The following PTPRD variants were observed in gnomAD, a reference collection of about 807,000 sequenced individuals.
PTPRD encodes receptor-type tyrosine-protein phosphatase delta.
A neutral mutation model predicts 214.5 loss-of-function variants in PTPRD; 34 were observed. The ratio of observed to expected loss-of-function variants is 0.16; its 90% CI spans 0.12 to 0.21. The LOEUF (loss-of-function observed/expected upper bound fraction) is 0.21, where lower values mean the gene tolerates loss of function less well. Among genes scored for constraint, PTPRD ranks in the 10% least tolerant of loss-of-function variants. The probability of loss-of-function intolerance (pLI) is 1.00; values close to 1 mark genes in which losing one functional copy is unlikely to be tolerated. For synonymous variants in PTPRD, 1,128 were observed against 845.7 expected (o/e 1.33, Z -5.79); for missense variants, 2,545 against 2,398.7 (o/e 1.06, Z -1.27).
intron 3 of PTPRD, among the ~76,000 whole-genome samples, chr9:10,140,134 A>G (rs74956109): frequency 0.023 from 3,501 of 152,146 alleles, 80 homozygotes; most frequent in African/African-American, 0.058. Context: ...TGTGAAGACA[A>G]ACCATCTGCA....
chr9:10,048,543 C>T (rs1002471781), intron 3 of PTPRD, among the ~76,000 whole-genome samples: 2 of 151,846 alleles, frequency 1.3e-5, no homozygotes. Context: ...ATCTTTAATC[C>T]CTACTCTTCC....
At chr9:10,587,935 A>G (rs1229975439) in intron 2 of PTPRD, among the ~76,000 whole-genome samples, 1 of 152,072 alleles carries the variant, frequency 6.6e-6, no homozygotes, top group Non-Finnish European at 1.5e-5. Context: ...CTTTCTGACA[A>G]TAAGTTCATA....
chr9:9,044,139 A>AACATG (rs1371794144), intron 10 of PTPRD, among the ~76,000 whole-genome samples: 2 of 152,168 alleles, frequency 1.3e-5, no homozygotes, highest in Non-Finnish European at 2.9e-5. Context: ...TTTATATGAC[A>AACATG]ACATGAACTT....
chr9:10,027,326 A>G (rs1250502683), intron 4 of PTPRD, among the ~76,000 whole-genome samples: 1 of 152,214 alleles, frequency 6.6e-6, no homozygotes, highest in African/African-American at 2.4e-5. Flanking sequence ...CACAGGCAAT[A>G]AAGCTGGGGG....
chr9:8,626,294 C>G (rs557751944), intron 14 of PTPRD, among the ~76,000 whole-genome samples: 6 of 151,732 alleles, frequency 4.0e-5, no homozygotes, highest in Non-Finnish European at 7.4e-5. Flanking sequence ...TTAGTAAACT[C>G]CTTTGTAATT....
chr9:10,316,505 A>G (rs2154423596), intron 3 of PTPRD, among the ~76,000 whole-genome samples: 1 of 152,054 alleles, frequency 6.6e-6, no homozygotes, highest in East Asian at 1.9e-4. Context: ...AACAGAAAAC[A>G]AAAAGAAAAG....
chr9:10,082,451 C>T (rs914595090), intron 3 of PTPRD, among the ~76,000 whole-genome samples: 4 of 151,944 alleles, frequency 2.6e-5, no homozygotes, highest in Non-Finnish European at 4.4e-5. Context: ...TGTGGATGTA[C>T]TGATTTATGT....
intron 9 of PTPRD, among the ~76,000 whole-genome samples, chr9:9,361,381 T>A (rs1228075095): frequency 6.6e-6 from 1 of 151,120 alleles, no homozygotes; most frequent in African/African-American, 2.4e-5. Flanking sequence ...TGCTTTGAAT[T>A]TATTTCTAGA....
chr9:8,437,095 A>G (rs1266873528), intron 34 of PTPRD: 5 of 798,322 alleles, frequency 6.3e-6, no homozygotes, highest in Admixed American at 2.8e-5. Context: ...TAAATGGTGT[A>G]AAGTGAAATA....
chr9:8,528,231 A>G (rs971428597), intron 15 of PTPRD: 1 of 428,674 alleles, frequency 2.3e-6, no homozygotes, highest in Non-Finnish European at 4.1e-6. Context: ...ATGAAGTCCA[A>G]TGTTGAAATA....
At chr9:9,565,084 A>G (rs1591708670) in intron 8 of PTPRD, among the ~76,000 whole-genome samples, 1 of 151,438 alleles carries the variant, frequency 6.6e-6, no homozygotes, top group African/African-American at 2.4e-5. Flanking sequence ...AAGCTTAATA[A>G]AGTGAAAAGT....
At chr9:9,466,729 C>T (rs1016179655) in intron 8 of PTPRD, among the ~76,000 whole-genome samples, 9 of 152,042 alleles carry the variant, frequency 5.9e-5, no homozygotes, top group Admixed American at 5.2e-4. Flanking sequence ...AGCAAGTTTC[C>T]ATATCTATTT....
At chr9:9,017,617 T>C (rs2099541672) in intron 11 of PTPRD, among the ~76,000 whole-genome samples, 1 of 152,162 alleles carries the variant, frequency 6.6e-6, no homozygotes, top group Admixed American at 6.5e-5. Context: ...AGAACACTAG[T>C]AAGGAAACTT....
At chr9:10,327,873 A>C (rs944724934) in intron 3 of PTPRD, among the ~76,000 whole-genome samples, 1 of 151,746 alleles carries the variant, frequency 6.6e-6, no homozygotes, top group Admixed American at 6.6e-5. Flanking sequence ...TGAAGAACCC[A>C]GGTCTATTCT....
chr9:9,604,346 C>T (rs2094002309), intron 7 of PTPRD, among the ~76,000 whole-genome samples: 2 of 151,998 alleles, frequency 1.3e-5, no homozygotes, highest in South Asian at 4.1e-4. Flanking sequence ...TAATATTCAA[C>T]TTAAGCAAGG....
chr9:10,393,880 G>A (rs1175508436), intron 2 of PTPRD, among the ~76,000 whole-genome samples: 2 of 147,988 alleles, frequency 1.4e-5, no homozygotes, highest in Non-Finnish European at 3.0e-5. Context: ...CTTATGTGGC[G>A]AGTGACTAAA....
chr9:9,412,352 A>T (rs2075720187), intron 8 of PTPRD, among the ~76,000 whole-genome samples: 1 of 152,144 alleles, frequency 6.6e-6, no homozygotes, highest in Non-Finnish European at 1.5e-5. Flanking sequence ...ATTGTTGCCT[A>T]ATTTTCTATG....
intron 11 of PTPRD, among the ~76,000 whole-genome samples, chr9:8,802,997 T>C (rs537887985): frequency 1.1e-4 from 16 of 152,088 alleles, no homozygotes; most frequent in African/African-American, 3.6e-4. Context: ...AAGTTATATA[T>C]AGTGAGCCAC....
At chr9:10,403,166 G>A (rs2098299510) in intron 2 of PTPRD, among the ~76,000 whole-genome samples, 2 of 138,522 alleles carry the variant, frequency 1.4e-5, no homozygotes, top group Admixed American at 7.5e-5. Flanking sequence ...ATAAAGCTTT[G>A]GCCTTAAGCA....
Sources: gnomAD v4.1 joint callset for allele counts (sites outside exome capture counted in the v4.1 genomes callset) on GRCh38, gnomAD v4.1.1 for gene constraint, MANE v1.5 for transcripts, NCBI Gene and HGNC (gene_info 2026-07-23, HGNC 2026-07-21) for gene names.